Variants in FAM20C observed in about 807,000 individuals in gnomAD.
FAM20C encodes extracellular serine/threonine protein kinase FAM20C.
A neutral mutation model predicts 51.5 loss-of-function variants in FAM20C; 40 were observed. The ratio of observed to expected loss-of-function variants is 0.78; its 90% CI spans 0.60 to 1.01. FAM20C has a LOEUF of 1.01. Among genes scored for constraint, FAM20C ranks in the 50% least tolerant of loss-of-function variants. The pLI, the probability that FAM20C is intolerant of heterozygous loss-of-function variation, is 0.00. For synonymous variants in FAM20C, 406 were observed against 380.6 expected, an observed-to-expected ratio of 1.07 and a Z score of -0.78; for missense variants, 861 against 844.7, an observed-to-expected ratio of 1.02 and a Z score of -0.24.
intron 3 of FAM20C, among the ~76,000 whole-genome samples, chr7:219,104 G>A (rs1031305028): frequency 3.9e-5 from 6 of 152,162 alleles, no homozygotes; most frequent in African/African-American, 1.4e-4. Context: ...CATGGGTGGT[G>A]GTGGTGTTTG....
At chr7:222,380 C>T (rs1367671954) in intron 3 of FAM20C, among the ~76,000 whole-genome samples, 1 of 152,062 alleles carries the variant, frequency 6.6e-6, no homozygotes, top group Non-Finnish European at 1.5e-5. Flanking sequence ...GCTGGGGTCA[C>T]CGTCAGCCCC....
intron 2 of FAM20C, among the ~76,000 whole-genome samples, chr7:206,617 TCATGGTCCCCTCGGCCCCGCACA>T (rs1204643802): frequency 3.6e-4 from 49 of 135,762 alleles, no homozygotes; most frequent in African/African-American, 1.2e-3. Context: ...GACGCGTCTG[TCATGGTCCCCTCGGCCCCGCACA>T]CGTGTCCACT....
chr7:211,339 AACCTCCCCCAG>A (rs1786700327), intron 3 of FAM20C, among the ~76,000 whole-genome samples: 2 of 130,884 alleles, frequency 1.5e-5, no homozygotes, highest in African/African-American at 2.9e-5. Flanking sequence ...AACCTCCCGA[AACCTCCCCCAG>A]ACCTCCCCCA....
intron 3 of FAM20C, chr7:229,196 C>G (rs2115113723): frequency 3.9e-6 from 1 of 259,050 alleles, no homozygotes; most frequent in Middle Eastern, 1.4e-3. Context: ...TGTCTGGGCT[C>G]CGATGTGTGG....
intron 2 of FAM20C, among the ~76,000 whole-genome samples, chr7:198,429 C>T (rs1429581715): frequency 6.6e-6 from 1 of 152,122 alleles, no homozygotes; most frequent in African/African-American, 2.4e-5. Context: ...AAGCAAAACC[C>T]ATTCACTAGC....
At position 195,581 on chromosome 7, in the gene FAM20C, A is replaced by G. The variant is rs1392962517; in HGVS notation, c.633A>G (p.Glu211=). Residue 211 remains glutamate (E), a synonymous_variant, in exon 2 of 10, where the codon GAA becomes GAG. Coordinates refer to ENST00000313766, the MANE Select transcript of FAM20C (RefSeq NM_020223.4). ...DWPHAGAEGA[E]FLSPGEAAVD... is the part of the protein sequence containing the mutation. ...CGCATGCGGGTGCTGAAGGTGCAGA[A>G]TTCCTCTCCCCCGGGGAGGCGGCCG... 1.3e-6 allele frequency: 2 copies of G among 1,594,404 alleles called. No individual in the cohort carries two copies. The highest frequency in any genetic ancestry group is 1.7e-6 in the Non-Finnish European group (2 of 1,169,418).
intron 3 of FAM20C, among the ~76,000 whole-genome samples, chr7:231,541 G>T (rs1397321369): frequency 1.3e-5 from 2 of 152,084 alleles, no homozygotes; most frequent in Non-Finnish European, 2.9e-5. Flanking sequence ...AGGGCTCCGT[G>T]GGAGGAGGGT....
At chr7:249,378 T>C (rs1788306407) in intron 5 of FAM20C, among the ~76,000 whole-genome samples, 1 of 152,266 alleles carries the variant, frequency 6.6e-6, no homozygotes, top group African/African-American at 2.4e-5. Flanking sequence ...TTCAAGACTC[T>C]ACGTGATAAG....
chr7:244,796 C>A (rs189298340), intron 3 of FAM20C, among the ~76,000 whole-genome samples: 1 of 152,194 alleles, frequency 6.6e-6, no homozygotes, highest in Non-Finnish European at 1.5e-5. Context: ...CCTGTCAAGG[C>A]GAATATTATG....
intron 3 of FAM20C, among the ~76,000 whole-genome samples, chr7:216,959 C>T (rs1195266650): frequency 1.3e-5 from 2 of 152,046 alleles, no homozygotes; most frequent in African/African-American, 2.4e-5. Context: ...AAGGCAGGAG[C>T]GGGGGCCCAC....
chr7:248,184 A>G (rs1788242944), intron 4 of FAM20C, 131 bp from the exon 5 acceptor site: 1 of 623,428 alleles, frequency 1.6e-6, no homozygotes. Context: ...ATTCGGAGGC[A>G]GGGACACAGA....
intron 3 of FAM20C, among the ~76,000 whole-genome samples, chr7:216,564 A>T (rs1370866224): frequency 1.3e-5 from 2 of 151,880 alleles, no homozygotes; most frequent in African/African-American, 4.8e-5. Context: ...TCTTTTCTCC[A>T]GAGACACCTG....
chr7:214,073 C>A (rs1428347802), intron 3 of FAM20C, among the ~76,000 whole-genome samples: 1 of 152,192 alleles, frequency 6.6e-6, no homozygotes, highest in African/African-American at 2.4e-5. Flanking sequence ...CGCCTGTAAT[C>A]CCAGCACTTT....
At chr7:212,205 G>A (rs988974108) in intron 3 of FAM20C, among the ~76,000 whole-genome samples, 1 of 152,266 alleles carries the variant, frequency 6.6e-6, no homozygotes, top group African/African-American at 2.4e-5. Context: ...GCTCGCAGCT[G>A]TAATCCCAGC....
intron 5 of FAM20C, among the ~76,000 whole-genome samples, chr7:253,923 G>A (rs1434453083): frequency 6.6e-6 from 1 of 152,240 alleles, no homozygotes; most frequent in Non-Finnish European, 1.5e-5. Flanking sequence ...TCCTGAAATG[G>A]AGCTCCTGCC....
chr7:242,517 T>C (rs893361795), intron 3 of FAM20C, among the ~76,000 whole-genome samples: 3 of 149,326 alleles, frequency 2.0e-5, no homozygotes, highest in Non-Finnish European at 3.0e-5. Context: ...TTCGGTGCAC[T>C]GGGGGCAGGG....
intron 2 of FAM20C, among the ~76,000 whole-genome samples, chr7:196,340 T>TC: frequency 6.6e-6 from 1 of 152,340 alleles, no homozygotes; most frequent in Non-Finnish European, 1.5e-5. Context: ...AAAAAGGGCA[T>TC]CCAGTTGCTG....
intron 3 of FAM20C, among the ~76,000 whole-genome samples, chr7:245,572 G>A (rs1161163403): frequency 6.6e-6 from 1 of 152,156 alleles, no homozygotes; most frequent in African/African-American, 2.4e-5. Flanking sequence ...GGCAGGGGCC[G>A]GCCTTGGTGG....
intron 3 of FAM20C, among the ~76,000 whole-genome samples, chr7:235,752 G>A (rs1787830065): frequency 6.6e-6 from 1 of 152,182 alleles, no homozygotes; most frequent in Non-Finnish European, 1.5e-5. Flanking sequence ...AGGGTCAGTG[G>A]TGGACGGGGC....
Sources: allele counts gnomAD v4.1 joint callset (sites outside exome capture counted in the v4.1 genomes callset), GRCh38; gene constraint gnomAD v4.1.1; transcripts MANE v1.5; gene names NCBI Gene and HGNC (gene_info 2026-07-23, HGNC 2026-07-21).